TDRD12: variants seen among roughly 807,000 people sequenced by gnomAD.
TDRD12 encodes putative ATP-dependent RNA helicase TDRD12.
A neutral mutation model predicts 133.5 loss-of-function variants in TDRD12; 158 were observed. The observed-to-expected ratio is 1.18, with a 90% CI of 1.04 to 1.35. TDRD12 has a LOEUF of 1.35. Among genes scored for constraint, TDRD12 ranks in the 40% most tolerant of loss-of-function variants. TDRD12 has a pLI of 0.00. For missense variants in TDRD12, 1,443 were observed against 1,321.3 expected, an observed-to-expected ratio of 1.09 and a Z score of -1.43; for synonymous variants, 460 against 477.9, an observed-to-expected ratio of 0.96 and a Z score of 0.49.
chr19:32,734,722 T>G (rs1212127002), intron 2 of TDRD12, among the ~76,000 whole-genome samples: 1 of 152,126 alleles, frequency 6.6e-6, no homozygotes, highest in Non-Finnish European at 1.5e-5. Context: ...GAATTCGCAG[T>G]AACTATGTTT....
intron 11 of TDRD12, among the ~76,000 whole-genome samples, chr19:32,777,796 C>T (rs1970624820): frequency 8.2e-6 from 1 of 121,914 alleles, no homozygotes; most frequent in African/African-American, 3.1e-5. Context: ...AGGCATGCAC[C>T]ACCATAACTG....
At chr19:32,786,682 A>G (rs1269350183) in intron 11 of TDRD12, among the ~76,000 whole-genome samples, 2 of 152,042 alleles carry the variant, frequency 1.3e-5, no homozygotes, top group African/African-American at 4.8e-5. Flanking sequence ...TTGACCTTCA[A>G]TCACTGATAT....
At chr19:32,814,156 A>C (rs1411996354) in intron 25 of TDRD12, among the ~76,000 whole-genome samples, 1 of 152,214 alleles carries the variant, frequency 6.6e-6, no homozygotes, top group Non-Finnish European at 1.5e-5. Flanking sequence ...AGTGCTGGGC[A>C]CTGGGGTTCC....
exon 6 of TDRD12, chr19:32,749,864 G>GAAA: frequency 6.6e-7 from 1 of 1,521,962 alleles, no homozygotes; most frequent in Non-Finnish European, 8.9e-7. Flanking sequence ...TATAAAAGAT[G>GAAA]AAAAAGTAAG....
chr19:32,813,283 C>T (rs906774121), intron 24 of TDRD12, among the ~76,000 whole-genome samples: 8 of 152,202 alleles, frequency 5.3e-5, no homozygotes, highest in Admixed American at 1.3e-4. Context: ...ATTGCAGTGA[C>T]GGCCTTGGAG....
intron 13 of TDRD12, among the ~76,000 whole-genome samples, chr19:32,793,025 A>C (rs2145670177): frequency 6.6e-6 from 1 of 152,178 alleles, no homozygotes; most frequent in African/African-American, 2.4e-5. Context: ...GTCTCTACTA[A>C]AATACAAAAA....
exon 22 of TDRD12, chr19:32,807,595 G>T: frequency 6.5e-7 from 1 of 1,535,282 alleles, no homozygotes; most frequent in Non-Finnish European, 8.7e-7. Flanking sequence ...TCCAGAAACG[G>T]ACTTGCCCAG....
At chr19:32,777,834 TA>T (rs1970633487) in intron 11 of TDRD12, among the ~76,000 whole-genome samples, 1 of 11,162 alleles carries the variant, frequency 9.0e-5, no homozygotes, top group African/African-American at 3.3e-4. Flanking sequence ...TATATATATA[TA>T]TATATATATA....
chr19:32,826,360 A>C lies in TDRD12; in HGVS notation c.895+3A>C. ...TTAAGGGATAGAGTCGTTTTCAGGT[A>C]GGTTTATGTATAGTCATATAAAGTA... On this transcript the variant is annotated splice_donor_region_variant and intron_variant, in intron 8 of 9. Coordinates refer to the TDRD12 transcript ENST00000637289. 9.0e-7 allele frequency: 1 copy of C among 1,116,312 alleles called. No homozygotes were observed. Among genetic ancestry groups the C allele is most frequent in the Non-Finnish European group, 1.1e-6 (1 of 871,260 alleles). The allele number at this position is 1,116,312 out of a possible 1,614,324, so 69.2% of individuals were successfully genotyped here.
downstream of TDRD12, chr19:32,826,007 A>T: frequency 1.1e-6 from 1 of 897,848 alleles, no homozygotes; most frequent in Non-Finnish European, 1.7e-6. Context: ...TAGACGTTGC[A>T]TAAGGTACAA....
At chr19:32,802,241 G>GATC (rs1457907275) in intron 19 of TDRD12, among the ~76,000 whole-genome samples, 4 of 144,128 alleles carry the variant, frequency 2.8e-5, no homozygotes, top group Admixed American at 1.4e-4. Context: ...ATATGATAGT[G>GATC]ATATATATGA....
chr19:32,749,934 A>G, intron 6 of TDRD12, 65 bp downstream of exon 6: 1 of 1,197,546 alleles, frequency 8.4e-7, no homozygotes, highest in Middle Eastern at 2.8e-4. Context: ...ATAAAACAGA[A>G]TAAATGCCAA....
exon 10 of TDRD12, chr19:32,827,286 G>A (rs1425695284): frequency 1.6e-6 from 2 of 1,225,022 alleles, no homozygotes; most frequent in South Asian, 8.3e-5. Context: ...AGAGCGGCTG[G>A]AAGATGTTGA....
intron 6 of TDRD12, among the ~76,000 whole-genome samples, chr19:32,753,013 C>T (rs574113885): frequency 2.0e-5 from 3 of 151,736 alleles, no homozygotes; most frequent in South Asian, 2.1e-4. Context: ...AGGATGGTCT[C>T]GATCTCCTGA....
chr19:32,733,548 C>T (rs1253594636), intron 2 of TDRD12, among the ~76,000 whole-genome samples: 1 of 151,720 alleles, frequency 6.6e-6, no homozygotes, highest in Non-Finnish European at 1.5e-5. Context: ...AAGGTTGCTT[C>T]TGTTTTTCAA....
chr19:32,728,645 CTTTTT>C (rs61327045), intron 1 of TDRD12, among the ~76,000 whole-genome samples: 2 of 129,100 alleles, frequency 1.5e-5, no homozygotes, highest in Non-Finnish European at 1.6e-5. Context: ...TTTTCTTTTC[CTTTTT>C]TTTTTTTTTT....
In TDRD12 at chr19:32,810,275, CAGGT is replaced by C. The variant is rs1966956806; in HGVS notation, c.2837_2837+3del. On this transcript the variant is annotated splice_donor_variant and coding_sequence_variant, in exon 23 of 28. Coordinates refer to ENST00000444215, the Ensembl canonical transcript of TDRD12. LOFTEE classifies it high-confidence loss of function. ...GATTAGCAGAAAAAACGCTTTTTCA[CAGGT>C]AACACATCTGTTTACTTCATCTGTA... 6.6e-7 allele frequency: 1 copy of C among 1,512,372 alleles called. No individual in the cohort carries two copies. Among genetic ancestry groups the C allele is most frequent in the East Asian group, 2.5e-5 (1 of 40,586 alleles). 93.7% of individuals were successfully genotyped at this position (1,512,372 alleles called of 1,614,324 possible).
At chr19:32,734,378 T>TC (rs1438751378) in intron 2 of TDRD12, among the ~76,000 whole-genome samples, 1 of 151,656 alleles carries the variant, frequency 6.6e-6, no homozygotes, top group Non-Finnish European at 1.5e-5. Context: ...TCTTTTCTTT[T>TC]TTTTTTTTGA....
At chr19:32,797,314 G>T (rs1971260533) in intron 14 of TDRD12, among the ~76,000 whole-genome samples, 2 of 152,072 alleles carry the variant, frequency 1.3e-5, no homozygotes. Context: ...CTTTCAGGAG[G>T]CATTTAGTTC....
Sources: gnomAD v4.1 joint callset for allele counts (sites outside exome capture counted in the v4.1 genomes callset) on GRCh38, gnomAD v4.1.1 for gene constraint, MANE v1.5 for transcripts, NCBI Gene and HGNC (gene_info 2026-07-23, HGNC 2026-07-21) for gene names.